The following SETBP1 variants were observed in gnomAD, a reference collection of about 807,000 sequenced individuals.
The protein encoded by SETBP1 is SET-binding protein.
SETBP1 carries 9 observed loss-of-function variants against 101.0 expected under a neutral mutation model. That is an observed-to-expected ratio of 0.09 (90% CI 0.05 to 0.16). The LOEUF is 0.16. Ranked by LOEUF, SETBP1 falls within the 10% of genes least tolerant of loss-of-function variation. The pLI is 1.00. For synonymous variants in SETBP1, 818 were observed against 788.5 expected, an observed-to-expected ratio of 1.04 and a Z score of -0.63; for missense variants, 1,858 against 2,033.8, an observed-to-expected ratio of 0.91 and a Z score of 1.66.
chr18:45,042,145 GC>G (rs1235176005), intron 5 of SETBP1, among the ~76,000 whole-genome samples: 77 of 103,532 alleles, frequency 7.4e-4, no homozygotes, highest in Middle Eastern at 0.011. Context: ...TCTTGAAACT[GC>G]TTTTTTTTTT....
At chr18:44,919,045 A>G (rs1002477305) in intron 3 of SETBP1, among the ~76,000 whole-genome samples, 59 of 152,212 alleles carry the variant, frequency 3.9e-4, no homozygotes, top group African/African-American at 1.3e-3. Context: ...TCATGTGGTT[A>G]AGGATGCCAG....
chr18:44,856,349 G>A (rs987159968), intron 2 of SETBP1, among the ~76,000 whole-genome samples: 2 of 152,182 alleles, frequency 1.3e-5, no homozygotes, highest in Non-Finnish European at 2.9e-5. Context: ...TCCCTTCCAT[G>A]CTAAGACTTC....
Position 44,741,424 on chromosome 18 carries a change from C to T in SETBP1, c.486+39592C>T, listed in dbSNP as rs1411744352. ...TAGAAAAATAAAATACAACTAGAGT[C>T]CTAAGAGATCACCTTTCATTGCCTG... On this transcript the variant is annotated intron_variant, in intron 2 of 5. Transcript: ENST00000649279. 3.3e-5 allele frequency among the ~76,000 whole-genome samples: 5 copies of T among 152,196 alleles called. No homozygotes were observed. In the East Asian group the frequency reaches 9.6e-4, roughly 29 times the overall value.
intron 2 of SETBP1, among the ~76,000 whole-genome samples, chr18:44,728,032 C>T (rs933041470): frequency 6.6e-6 from 1 of 152,212 alleles, no homozygotes; most frequent in Non-Finnish European, 1.5e-5. Flanking sequence ...ATTAGGTTCA[C>T]TCTGAAGAAT....
chr18:44,961,765 C>T (rs549729738), intron 4 of SETBP1, among the ~76,000 whole-genome samples: 1 of 152,282 alleles, frequency 6.6e-6, no homozygotes, highest in South Asian at 2.1e-4. Context: ...GACACACAGG[C>T]ACATAGCTTT....
At chr18:44,779,411 G>A (rs1250767959) in intron 2 of SETBP1, among the ~76,000 whole-genome samples, 2 of 152,204 alleles carry the variant, frequency 1.3e-5, no homozygotes, top group Admixed American at 1.3e-4. Flanking sequence ...TTTTAGGAGT[G>A]CAAGAAACAC....
chr18:44,979,399 A>G (rs1348793177), intron 4 of SETBP1, among the ~76,000 whole-genome samples: 1 of 152,228 alleles, frequency 6.6e-6, no homozygotes, highest in Non-Finnish European at 1.5e-5. Flanking sequence ...TACTGGCTGT[A>G]TCCATATAAC....
At chr18:44,971,768 G>A (rs1193127554) in intron 4 of SETBP1, among the ~76,000 whole-genome samples, 1 of 152,120 alleles carries the variant, frequency 6.6e-6, no homozygotes, top group Non-Finnish European at 1.5e-5. Flanking sequence ...TGTAGATTCT[G>A]GCTATTAGCC....
At chr18:44,816,323 C>T (rs2071975381) in intron 2 of SETBP1, among the ~76,000 whole-genome samples, 1 of 152,128 alleles carries the variant, frequency 6.6e-6, no homozygotes, top group Non-Finnish European at 1.5e-5. Context: ...GGCTACAATG[C>T]AAATTCTCAG....
intron 4 of SETBP1, among the ~76,000 whole-genome samples, chr18:45,034,536 A>T (rs188175532): frequency 1.7e-3 from 251 of 149,094 alleles, no homozygotes; most frequent in African/African-American, 4.6e-3. Flanking sequence ...GACTTTTTTA[A>T]AAAAAAAAAA....
At chr18:44,790,468 A>G (rs553213454) in intron 2 of SETBP1, among the ~76,000 whole-genome samples, 2 of 152,362 alleles carry the variant, frequency 1.3e-5, no homozygotes, top group Admixed American at 1.3e-4. Flanking sequence ...CTTCTGAGCC[A>G]TGATAGCAAG....
intron 4 of SETBP1, among the ~76,000 whole-genome samples, chr18:45,017,312 C>T (rs1016052212): frequency 6.6e-6 from 1 of 152,178 alleles, no homozygotes; most frequent in Non-Finnish European, 1.5e-5. Flanking sequence ...CCAGACCCCA[C>T]CCTCCAGTAA....
chr18:44,922,781 G>C (rs559947892), intron 3 of SETBP1, among the ~76,000 whole-genome samples: 2 of 152,244 alleles, frequency 1.3e-5, no homozygotes, highest in African/African-American at 4.8e-5. Flanking sequence ...CAAGCTAAAG[G>C]GGCACAGCAT....
In SETBP1 at chr18:45,047,871, T is replaced by G. The variant is rs181294551; in HGVS notation, c.4171+9216T>G. Reference sequence around the variant, plus strand: ...AAAGACAGAGAGAGAGAGAGAGAGATCACTCACCTGTCTGCTCTCTCCATT... The same window carrying G: ...AAAGACAGAGAGAGAGAGAGAGAGAGCACTCACCTGTCTGCTCTCTCCATT... On this transcript the variant is annotated intron_variant, in intron 5 of 5. Coordinates refer to ENST00000649279, the MANE Select transcript of SETBP1 (RefSeq NM_015559.3). Among the ~76,000 whole-genome samples the G allele has an allele frequency of 1.8e-3, 273 of 151,470 alleles. 2 individuals are homozygous for G. The highest frequency in any genetic ancestry group is 6.4e-3 in the African/African-American group (264 of 41,252).
chr18:44,847,944 A>G (rs2072756385), intron 2 of SETBP1, among the ~76,000 whole-genome samples: 2 of 152,122 alleles, frequency 1.3e-5, no homozygotes, highest in Admixed American at 1.3e-4. Context: ...AGGCAGAGAA[A>G]ACAGCAAGTA....
At chr18:44,979,332 C>T (rs2072060461) in intron 4 of SETBP1, among the ~76,000 whole-genome samples, 1 of 152,140 alleles carries the variant, frequency 6.6e-6, no homozygotes, top group Non-Finnish European at 1.5e-5. Flanking sequence ...TTTGCCTGGC[C>T]CTTTGTTCTA....
chr18:44,860,924 C>G (rs903691553), intron 2 of SETBP1, among the ~76,000 whole-genome samples: 1 of 152,090 alleles, frequency 6.6e-6, no homozygotes, highest in African/African-American at 2.4e-5. Context: ...ATTCTCTTTC[C>G]CCAGGTAAAT....
chr18:44,936,598 A>C (rs919747527), intron 3 of SETBP1, among the ~76,000 whole-genome samples: 5 of 152,100 alleles, frequency 3.3e-5, no homozygotes, highest in Non-Finnish European at 7.4e-5. Context: ...CCTGCTAAAA[A>C]CAGCCATAGG....
At chr18:45,033,280 TAA>T (rs1274558117) in intron 4 of SETBP1, among the ~76,000 whole-genome samples, 1 of 152,228 alleles carries the variant, frequency 6.6e-6, no homozygotes, top group African/African-American at 2.4e-5. Context: ...AACATTGAAT[TAA>T]GTCAAGAAAC....
Sources: gnomAD v4.1 joint callset for allele counts (sites outside exome capture counted in the v4.1 genomes callset) on GRCh38, gnomAD v4.1.1 for gene constraint, MANE v1.5 for transcripts, NCBI Gene and HGNC (gene_info 2026-07-23, HGNC 2026-07-21) for gene names.